Variants in ASMTL observed in about 807,000 individuals in gnomAD.
ASMTL encodes probable bifunctional dTTP/UTP pyrophosphatase/methyltransferase protein.
A neutral mutation model predicts 60.3 loss-of-function variants in ASMTL; 57 were observed. The ratio of observed to expected loss-of-function variants is 0.95; its 90% confidence interval spans 0.76 to 1.18. The LOEUF (loss-of-function observed/expected upper bound fraction) is 1.18, where lower values mean the gene tolerates loss of function less well. ASMTL is among the 50% of genes most tolerant of loss of function. ASMTL has a pLI of 0.00. For synonymous variants in ASMTL, 419 were observed against 373.0 expected (o/e 1.12, Z -1.42); for missense variants, 981 against 852.6 (o/e 1.15, Z -1.88).
At chrX:1,431,751 AT>A (rs1338713855) in intron 6 of ASMTL, among the ~76,000 whole-genome samples, 1 of 150,942 alleles carries the variant, frequency 6.6e-6, no homozygotes, top group Non-Finnish European at 1.5e-5. Context: ...ATAATGTATA[AT>A]TATGTAGACA....
chrX:1,447,466 G>C lies in ASMTL; in HGVS notation c.94-5149C>G, dbSNP rs1261016871. Reference sequence around the variant, plus strand: ...GACACACACCATCTTGGACACACACGGCCATGTTGGAGAAGCACCACCATC... The same window carrying C: ...GACACACACCATCTTGGACACACACCGCCATGTTGGAGAAGCACCACCATC... On this transcript the variant is annotated intron_variant, in intron 1 of 12. Coordinates refer to ENST00000381317, the MANE Select transcript of ASMTL (RefSeq NM_004192.4). Among the ~76,000 whole-genome samples, 20 of 118,006 alleles carry C rather than the reference G, an allele frequency of 1.7e-4. No individual in the cohort carries two copies. The South Asian group carries it at 3.7e-3, about 22-fold the overall frequency. The allele number at this position is 118,006 out of a possible 152,430, so 77.4% of individuals were successfully genotyped here.
intron 8 of ASMTL, among the ~76,000 whole-genome samples, chrX:1,425,142 A>G (rs5949069): frequency 0.67 from 101,511 of 151,856 alleles, 34,936 homozygotes; most frequent in South Asian, 0.87. Flanking sequence ...ATATCAATGT[A>G]TCTATGCATT....
rs367547328 is a variant in ASMTL at position 1,448,035 on chromosome X, C to T, written c.93+4713G>A. 1.2e-3 allele frequency among the ~76,000 whole-genome samples: 171 copies of T among 145,598 alleles called. No homozygotes were observed. The East Asian group carries it at 0.028, about 24-fold the overall frequency. On this transcript the variant is annotated intron_variant, in intron 1 of 12. Transcript: ENST00000381317. ...GACACACACCATCTTGGACACACACCGCCATCTTGGATAAGAACCACCATC... is the reference window on the plus strand; with the variant it reads ...GACACACACCATCTTGGACACACACTGCCATCTTGGATAAGAACCACCATC...
intron 11 of ASMTL, among the ~76,000 whole-genome samples, chrX:1,416,148 C>G (rs2090244268): frequency 6.9e-6 from 1 of 145,608 alleles, no homozygotes; most frequent in Non-Finnish European, 1.5e-5. Flanking sequence ...CACAGATGGG[C>G]ACACACACAT....
At chrX:1,445,876 G>A (rs765773298) in intron 1 of ASMTL, among the ~76,000 whole-genome samples, 6 of 152,212 alleles carry the variant, frequency 3.9e-5, no homozygotes, top group Admixed American at 6.5e-5. Context: ...GAAGACGAGC[G>A]CGAGCCTTCT....
chrX:1,421,960 C>A, intron 8 of ASMTL, 118 bp from the exon 9 acceptor site: 1 of 959,976 alleles, frequency 1.0e-6, no homozygotes. Context: ...TATAGCAAAC[C>A]GTACACTCAA....
intron 3 of ASMTL, 21 bp from the exon 4 acceptor site, chrX:1,435,779 G>A (rs566410813): frequency 6.8e-6 from 11 of 1,610,764 alleles, no homozygotes; most frequent in Middle Eastern, 1.7e-4. Context: ...AAGGGACAGA[G>A]GGAGTTGGTT....
chrX:1,436,761 C>T (rs2090976742), intron 3 of ASMTL, among the ~76,000 whole-genome samples: 1 of 152,200 alleles, frequency 6.6e-6, no homozygotes, highest in Non-Finnish European at 1.5e-5. Context: ...TGCCTTTTAG[C>T]TGTTGTGAAT....
intron 12 of ASMTL, among the ~76,000 whole-genome samples, chrX:1,404,696 G>A (rs868488012): frequency 5.1e-5 from 4 of 78,192 alleles, no homozygotes; most frequent in African/African-American, 1.4e-4. Context: ...GTAGGTAGAT[G>A]AATGGATGGA....
Position 1,442,271 on chromosome X carries a change from T to G in ASMTL, c.140A>C (p.Asp47Ala). Residue 47 changes from aspartate to alanine, a missense_variant, in exon 2 of 13, where the codon GAC becomes GCC. Asp to Ala is a moderately radical substitution (Grantham distance 126). Transcript: ENST00000381317. The part of the protein sequence containing the change: ...VVPSKFKEKL[D>A]KASFATPYGY... Reference sequence around the variant, plus strand: ...ATACGGAGTAGCGAAGGAGGCTTTGTCCAGCTTCTCTTTAAACTTGGAGGG... The same window carrying G: ...ATACGGAGTAGCGAAGGAGGCTTTGGCCAGCTTCTCTTTAAACTTGGAGGG... The G allele has an allele frequency of 6.2e-7, 1 of 1,613,876 alleles. No homozygotes were observed. The highest frequency in any genetic ancestry group is 8.5e-7 in the Non-Finnish European group (1 of 1,179,854).
chrX:1,446,551 G>C (rs1219580623), intron 1 of ASMTL, among the ~76,000 whole-genome samples: 1 of 148,090 alleles, frequency 6.8e-6, no homozygotes, highest in African/African-American at 2.5e-5. Context: ...CCAGGCTGGA[G>C]TGCAGTGGTG....
At chrX:1,419,914 C>T (rs1163677655) in intron 9 of ASMTL, among the ~76,000 whole-genome samples, 1 of 139,170 alleles carries the variant, frequency 7.2e-6, no homozygotes, top group South Asian at 2.1e-4. Flanking sequence ...GCTTCTCTCT[C>T]TGACTCTTTC....
At chrX:1,414,285 G>A (rs2090154830) in intron 11 of ASMTL, among the ~76,000 whole-genome samples, 1 of 152,182 alleles carries the variant, frequency 6.6e-6, no homozygotes, top group South Asian at 2.1e-4. Flanking sequence ...CGGTCTGCAG[G>A]ACAGGGAGAG....
intron 12 of ASMTL, among the ~76,000 whole-genome samples, chrX:1,410,926 C>A (rs1290367651): frequency 6.6e-6 from 1 of 151,744 alleles, no homozygotes; most frequent in African/African-American, 2.4e-5. Context: ...TGGCTCACGC[C>A]TGTAATCCCA....
At chrX:1,434,792 C>G (rs2090916316) in intron 5 of ASMTL, among the ~76,000 whole-genome samples, 1 of 102,494 alleles carries the variant, frequency 9.8e-6, no homozygotes, top group Non-Finnish European at 2.1e-5. Context: ...GAGACTCCAT[C>G]TCAAAAAAAA....
Position 1,418,965 on chromosome X carries a change from G to T in ASMTL, c.1378+17C>A. The T allele has an allele frequency of 6.2e-7, 1 of 1,610,986 alleles. No homozygotes were observed. On this transcript the variant is annotated intron_variant, in intron 10 of 12. Coordinates refer to ENST00000381317, the MANE Select transcript of ASMTL (RefSeq NM_004192.4). ...ATAAACGAAAGTAAGGAGAGCCCTG[G>T]CGGGGGGGCCACCCACCTCCCACGT...
rs1446314889 is a variant in ASMTL, at chrX:1,425,449, C to T, written c.1060+76G>A. ...TGTGGGCCTCCTTCCTCGCTCTGCCCAGGCTCCAGGTCACCTTCCCTCAGT... is the reference window on the plus strand; with the variant it reads ...TGTGGGCCTCCTTCCTCGCTCTGCCTAGGCTCCAGGTCACCTTCCCTCAGT... On this transcript the variant is annotated intron_variant, in intron 8 of 12. Coordinates refer to ENST00000381317, the MANE Select transcript of ASMTL (RefSeq NM_004192.4). The T allele has an allele frequency of 4.5e-5, 70 of 1,539,210 alleles. 1 individual carries two copies. In the African/African-American group the frequency reaches 9.2e-4, roughly 20 times the overall value.
intron 4 of ASMTL, 163 bp downstream of exon 4, chrX:1,435,531 G>A: frequency 1.4e-6 from 1 of 695,384 alleles, no homozygotes; most frequent in Non-Finnish European, 2.6e-6. Flanking sequence ...TGGAGGGATA[G>A]TGCCTGCCTC....
upstream of ASMTL, among the ~76,000 whole-genome samples, chrX:1,453,396 G>C (rs1407723262): frequency 1.5e-5 from 2 of 134,550 alleles, no homozygotes; most frequent in African/African-American, 5.4e-5. Context: ...ACCGCCCCCA[G>C]CTCCGCCTCC....
Sources: allele counts gnomAD v4.1 joint callset (sites outside exome capture counted in the v4.1 genomes callset), GRCh38; gene constraint gnomAD v4.1.1; transcripts MANE v1.5; gene names NCBI Gene and HGNC (gene_info 2026-07-23, HGNC 2026-07-21).